The following GABRB3 variants were observed in gnomAD, a reference collection of about 807,000 sequenced individuals.
GABRB3 encodes gamma-aminobutyric acid type A receptor subunit beta3, also known as gamma-aminobutyric acid receptor subunit beta-3.
GABRB3 carries 14 observed loss-of-function variants against 52.1 expected under a neutral mutation model. The ratio of observed to expected loss-of-function variants is 0.27; its 90% CI spans 0.18 to 0.42. The LOEUF (loss-of-function observed/expected upper bound fraction) is 0.42, where lower values mean the gene tolerates loss of function less well. GABRB3 is among the 10% of genes least tolerant of loss of function. GABRB3 has a pLI of 1.00. For missense variants in GABRB3, 307 were observed against 609.1 expected (o/e 0.50, Z 5.22); for synonymous variants, 260 against 232.3 (o/e 1.12, Z -1.08).
chr15:26,652,201 C>T (rs1887218894), intron 3 of GABRB3, among the ~76,000 whole-genome samples: 1 of 152,204 alleles, frequency 6.6e-6, no homozygotes, highest in African/African-American at 2.4e-5. Context: ...ATCTCTAAAA[C>T]CCACCTATGA....
At chr15:26,722,219 T>A (rs1011363337) in intron 3 of GABRB3, among the ~76,000 whole-genome samples, 2 of 152,156 alleles carry the variant, frequency 1.3e-5, no homozygotes, top group African/African-American at 2.4e-5. Context: ...GGGTGGAGCA[T>A]GAGTTATCAG....
intron 6 of GABRB3, among the ~76,000 whole-genome samples, chr15:26,577,593 GAAA>G (rs1228907178): frequency 6.6e-6 from 1 of 152,108 alleles, no homozygotes; most frequent in Non-Finnish European, 1.5e-5. Flanking sequence ...CATAGTTTTG[GAAA>G]ACCAAAAACA....
At chr15:26,750,500 G>GTT (rs1425275818) in intron 3 of GABRB3, among the ~76,000 whole-genome samples, 6 of 152,276 alleles carry the variant, frequency 3.9e-5, no homozygotes, top group Non-Finnish European at 7.3e-5. Context: ...TCTTTGCTGT[G>GTT]TGTCAAGCAA....
intron 4 of GABRB3, among the ~76,000 whole-genome samples, chr15:26,620,391 T>C (rs1400101413): frequency 6.6e-6 from 1 of 152,198 alleles, no homozygotes; most frequent in African/African-American, 2.4e-5. Context: ...TTTAAATATA[T>C]ACTGTTATGA....
intron 3 of GABRB3, among the ~76,000 whole-genome samples, chr15:26,670,843 T>C (rs1887877508): frequency 2.0e-5 from 3 of 152,252 alleles, no homozygotes; most frequent in Admixed American, 2.0e-4. Context: ...CATTCATAGC[T>C]AAACATCCTT....
intron 3 of GABRB3, among the ~76,000 whole-genome samples, chr15:26,755,249 C>T (rs1890629662): frequency 6.6e-6 from 1 of 152,092 alleles, no homozygotes; most frequent in Non-Finnish European, 1.5e-5. Flanking sequence ...TTGTGATCTG[C>T]CTGCCTCAGC....
chr15:26,668,701 T>C (rs1887794185), intron 3 of GABRB3, among the ~76,000 whole-genome samples: 2 of 152,176 alleles, frequency 1.3e-5, no homozygotes, highest in South Asian at 2.1e-4. Context: ...CATATGTAAA[T>C]AGAGTTCCCT....
chr15:26,621,674 G>A lies in GABRB3; in HGVS notation c.241-140C>T. The A allele has an allele frequency of 1.5e-6, 1 of 664,954 alleles. No individual in the cohort carries two copies. The highest frequency in any genetic ancestry group is 2.6e-6 in the Non-Finnish European group (1 of 381,206). The allele number at this position is 664,954 out of a possible 1,614,324, so 41.2% of individuals were successfully genotyped here. A position where few individuals can be genotyped will look rare whatever the true frequency, so the allele number is the denominator to read the frequency against. On this transcript the variant is annotated intron_variant, in intron 3 of 8. Transcript: ENST00000311550. This position sits in a 1 kb window ranked among gnomAD's most constrained non-coding sequence, Gnocchi z 4.1. ...AACGGATGCCATTTTTATGCAGAAT[G>A]GGAAGCAATGGCTGCTTTCTTGTGA...
In GABRB3 at chr15:26,687,771, A is replaced by G. The variant is rs12102198; in HGVS notation, c.241-66237T>C. Among the ~76,000 whole-genome samples, 1,368 of 152,316 alleles carry G rather than the reference A, an allele frequency of 9.0e-3. 15 individuals are homozygous for G. Among genetic ancestry groups the G allele is most frequent in the African/African-American group, 0.031 (1,297 of 41,568 alleles). On this transcript the variant is annotated intron_variant, in intron 3 of 8. Coordinates refer to ENST00000311550, the MANE Select transcript of GABRB3 (RefSeq NM_000814.6). ...TGTAGCATATCTGGAGCTGTTAATT[A>G]CACCTGCTGACTGAAAGTTTTAATA... is the stretch of plus-strand genomic sequence containing the variant.
At chr15:26,771,208 G>A (rs1271620274) in intron 3 of GABRB3, among the ~76,000 whole-genome samples, 1 of 152,096 alleles carries the variant, frequency 6.6e-6, no homozygotes, top group African/African-American at 2.4e-5. Flanking sequence ...TCATATATCT[G>A]TGACTTACTG....
At chr15:26,655,931 T>A (rs1259960731) in intron 3 of GABRB3, among the ~76,000 whole-genome samples, 21 of 152,222 alleles carry the variant, frequency 1.4e-4, no homozygotes, top group Admixed American at 1.4e-3. Flanking sequence ...TCATTGTTTT[T>A]TTGAGGGTTG....
intron 4 of GABRB3, among the ~76,000 whole-genome samples, chr15:26,593,630 T>C (rs1891285640): frequency 6.6e-6 from 1 of 152,200 alleles, no homozygotes. Context: ...TCACCCATGG[T>C]GTAGCATGTA....
chr15:26,751,819 A>T (rs1566829558), intron 3 of GABRB3, among the ~76,000 whole-genome samples: 1 of 151,970 alleles, frequency 6.6e-6, no homozygotes, highest in Admixed American at 6.6e-5. Context: ...ATTTTTTAGG[A>T]AAAAAAGCCA....
At chr15:26,732,574 T>C (rs1005855673) in intron 3 of GABRB3, among the ~76,000 whole-genome samples, 8 of 150,088 alleles carry the variant, frequency 5.3e-5, no homozygotes, top group Non-Finnish European at 1.5e-5. Flanking sequence ...CAAAAAAATT[T>C]TTTTTTTTTT....
chr15:26,665,678 C>G (rs1459856895), intron 3 of GABRB3, among the ~76,000 whole-genome samples: 2 of 152,084 alleles, frequency 1.3e-5, no homozygotes, highest in African/African-American at 4.8e-5. Flanking sequence ...CTGGGCACTC[C>G]CGACAAGTCA....
intron 3 of GABRB3, among the ~76,000 whole-genome samples, chr15:26,691,251 T>C (rs1028074585): frequency 2.6e-5 from 4 of 152,204 alleles, no homozygotes. Context: ...GAGTTTTGTA[T>C]ATGAGTTTCT....
At chr15:26,717,165 C>T (rs1232105386) in intron 3 of GABRB3, among the ~76,000 whole-genome samples, 1 of 150,364 alleles carries the variant, frequency 6.7e-6, no homozygotes, top group Non-Finnish European at 1.5e-5. Flanking sequence ...CAATGACAGC[C>T]CAGCTCTGGG....
At chr15:26,755,596 C>T (rs1022177288) in intron 3 of GABRB3, among the ~76,000 whole-genome samples, 2 of 152,124 alleles carry the variant, frequency 1.3e-5, no homozygotes, top group African/African-American at 4.8e-5. Context: ...TTTTACTTTG[C>T]ATTCTAATGT....
intron 4 of GABRB3, chr15:26,614,655 A>G (rs1447600903): frequency 1.3e-5 from 2 of 152,194 alleles, no homozygotes; most frequent in Admixed American, 1.3e-4. Context: ...CTGTGAGTTG[A>G]TATCTTTTCT....
Sources: allele counts gnomAD v4.1 joint callset (sites outside exome capture counted in the v4.1 genomes callset), GRCh38; gene constraint gnomAD v4.1.1; non-coding constraint Gnocchi (gnomAD v3.1); transcripts MANE v1.5; gene names NCBI Gene and HGNC (gene_info 2026-07-23, HGNC 2026-07-21).